PKP1: variants seen among roughly 807,000 people sequenced by gnomAD.
The protein encoded by PKP1 is plakophilin-1.
PKP1 carries 27 observed loss-of-function variants against 76.4 expected under a neutral mutation model. The observed-to-expected ratio is 0.35, with a 90% CI of 0.26 to 0.49. The LOEUF is 0.49. Among genes scored for constraint, PKP1 ranks in the 20% least tolerant of loss-of-function variants. The probability of loss-of-function intolerance (pLI) is 0.99; values close to 1 mark genes in which losing one functional copy is unlikely to be tolerated. For synonymous variants in PKP1, 404 were observed against 384.2 expected (o/e 1.05, Z -0.60); for missense variants, 964 against 955.2 (o/e 1.01, Z -0.12).
intron 13 of PKP1, among the ~76,000 whole-genome samples, chr1:201,329,774 C>A (rs915581748): frequency 1.8e-4 from 27 of 152,210 alleles, no homozygotes; most frequent in African/African-American, 6.5e-4. Context: ...CAAGCTGCAA[C>A]AACTTGAAGG....
chr1:201,310,007 C>T (rs1656492235), intron 2 of PKP1, among the ~76,000 whole-genome samples: 2 of 152,244 alleles, frequency 1.3e-5, no homozygotes, highest in South Asian at 4.1e-4. Flanking sequence ...CATTCTATGT[C>T]TGTGGGGTGA....
At chr1:201,308,525 A>T (rs1436715238) in intron 2 of PKP1, among the ~76,000 whole-genome samples, 1 of 152,222 alleles carries the variant, frequency 6.6e-6, no homozygotes, top group East Asian at 1.9e-4. Context: ...TTATGGAGAC[A>T]GGGCTGGGTT....
At chr1:201,294,424 G>C (rs111662745) in intron 2 of PKP1, among the ~76,000 whole-genome samples, 1 of 152,226 alleles carries the variant, frequency 6.6e-6, no homozygotes, top group South Asian at 2.1e-4. Context: ...ATCTCTGTTC[G>C]TTCTGTGCCT....
At chr1:201,291,507 G>A (rs1655916292) in intron 1 of PKP1, among the ~76,000 whole-genome samples, 1 of 152,156 alleles carries the variant, frequency 6.6e-6, no homozygotes, top group Non-Finnish European at 1.5e-5. Flanking sequence ...GGCGGGAGGA[G>A]ATGGTTAGTC....
At chr1:201,324,405 A>G in intron 9 of PKP1, 23 bp from the exon 10 acceptor site, 2 of 1,613,780 alleles carry the variant, frequency 1.2e-6, no homozygotes, top group South Asian at 1.1e-5. Flanking sequence ...AGGCTAGCTC[A>G]TCATCTACTC....
rs1656802859 is a variant in PKP1 at position 201,317,690 on chromosome 1, A to G, written c.965A>G (p.Lys322Arg). 9 of 1,613,806 alleles carry G rather than the reference A, an allele frequency of 5.6e-6. No homozygotes were observed. Among genetic ancestry groups the G allele is most frequent in the Non-Finnish European group, 7.6e-6 (9 of 1,179,918 alleles). Residue 322 changes from lysine to arginine, a missense_variant, in exon 5 of 14, where the codon AAG becomes AGG. Physicochemically the swap from Lys to Arg is conservative, Grantham distance 26 (BLOSUM62 2). Coordinates refer to ENST00000367324, the MANE Select transcript of PKP1 (RefSeq NM_001005337.3). The stretch of plus-strand genomic sequence containing the variant: ...CTGGTGTTCAGGAGCACCACCAACA[A>G]GCTGGAGACCCGGAGGCAGAATGGG... ...RNLVFRSTTN[K>R]LETRRQNGIR...
At chr1:201,327,002 C>CCCTG (rs1285879635) in intron 12 of PKP1, among the ~76,000 whole-genome samples, 2 of 152,164 alleles carry the variant, frequency 1.3e-5, no homozygotes, top group Non-Finnish European at 2.9e-5. Context: ...CTGGAAAAGG[C>CCCTG]CCTGGATCCG....
Position 201,318,618 on chromosome 1 carries a change from G to A in PKP1, c.1055G>A (p.Gly352Glu). 1 of 1,612,058 alleles carries A rather than the reference G, an allele frequency of 6.2e-7. No individual in the cohort carries two copies. The highest frequency in any genetic ancestry group is 1.1e-5 in the South Asian group (1 of 90,980). Residue 352 changes from glycine to glutamate, a missense_variant and splice_region_variant, in exon 6 of 14, where the codon GGG (glycine) becomes GAG (glutamate). Transcript: ENST00000367324. ...GNAEIQKQLT[G>E]LLWNLSSTDE... is the part of the protein sequence containing the mutation. Reference sequence around the variant, plus strand: ...TGGGTTGATGGTCTCTGACCCCCAGGGCTGCTCTGGAACCTGTCTTCCACT... The same window carrying A: ...TGGGTTGATGGTCTCTGACCCCCAGAGCTGCTCTGGAACCTGTCTTCCACT...
intron 7 of PKP1, 105 bp downstream of exon 7, chr1:201,320,486 G>A: frequency 2.6e-6 from 2 of 763,136 alleles, no homozygotes; most frequent in Non-Finnish European, 4.6e-6. Context: ...CACAGACTCA[G>A]GGGTGGTAGA....
intron 4 of PKP1, 78 bp downstream of exon 4, chr1:201,316,775 T>C: frequency 6.5e-7 from 1 of 1,535,512 alleles, no homozygotes; most frequent in Non-Finnish European, 9.0e-7. Context: ...CTTTTAGAGA[T>C]GGGTGAGGGC....
intron 3 of PKP1, among the ~76,000 whole-genome samples, chr1:201,314,904 AC>A (rs1656678793): frequency 6.6e-6 from 1 of 152,220 alleles, no homozygotes; most frequent in Non-Finnish European, 1.5e-5. Flanking sequence ...CACACCCGCC[AC>A]CAGGCAGGCA....
rs761010595 is a variant in PKP1, at chr1:201,318,696, G to A, written c.1133G>A (p.Arg378His). 20 of 1,612,234 alleles carry A rather than the reference G, an allele frequency of 1.2e-5. No homozygotes were observed. The highest frequency in any genetic ancestry group is 8.8e-5 in the South Asian group (8 of 90,982). The change falls in exon 6 of 14, where the codon CGC (arginine) becomes CAC (histidine). Residue 378 changes from arginine (R) to histidine (H), a missense_variant. Transcript: ENST00000367324. The stretch of plus-strand genomic sequence containing the variant: ...GACGCCCTGCCTGTTCTGGCCGACC[G>A]CGTCATCATTCCCTTCTCTGGCTGG... ...IADALPVLAD[R>H]VIIPFSGWCD...
In PKP1 at chr1:201,328,828, C is replaced by T. The variant is rs531445602; in HGVS notation, c.2173C>T (p.Arg725Ter). Residue 725 changes from arginine (R) to a stop codon, truncating the protein, a stop_gained, in exon 13 of 14, where the codon CGA (arginine) becomes TGA (stop). Coordinates refer to ENST00000367324, the MANE Select transcript of PKP1 (RefSeq NM_001005337.3). LOFTEE classifies it high-confidence loss of function. ...CAACAGCCTCAGGAACTTCACCTCC[C>T]GATTCTAAGAAGAGACTGTCCAAGC... ...GANSLRNFTS[R>*]F The T allele has an allele frequency of 1.2e-5, 20 of 1,613,526 alleles. No individual in the cohort carries two copies. Among genetic ancestry groups the T allele is most frequent in the Admixed American group, 6.7e-5 (4 of 60,006 alleles).
At position 201,283,910 on chromosome 1, in the gene PKP1, G is replaced by C; in HGVS notation, c.202+6G>C. 6.2e-7 allele frequency: 1 copy of C among 1,613,696 alleles called. No individual in the cohort carries two copies. Among genetic ancestry groups the C allele is most frequent in the Non-Finnish European group, 8.5e-7 (1 of 1,179,616 alleles). ...CCTGAGCCACTCCAATCGAGGTAAA[G>C]GCTCGGCCCCCGCGTGGTCCGTGCG... On this transcript the variant is annotated splice_donor_region_variant and intron_variant, in intron 1 of 13. Coordinates refer to ENST00000367324, the MANE Select transcript of PKP1 (RefSeq NM_001005337.3).
chr1:201,313,676 C>T, intron 3 of PKP1, 116 bp downstream of exon 3: 2 of 1,138,874 alleles, frequency 1.8e-6, no homozygotes, highest in Non-Finnish European at 2.5e-6. Context: ...TAGCTTCTGT[C>T]CCTGGGGAGT....
intron 13 of PKP1, among the ~76,000 whole-genome samples, 160 bp downstream of exon 13, chr1:201,329,028 G>C (rs1416733018): frequency 1.3e-5 from 2 of 152,180 alleles, no homozygotes; most frequent in African/African-American, 4.8e-5. Flanking sequence ...TTGGCTGGGG[G>C]CGTAGTTTGT....
intron 2 of PKP1, among the ~76,000 whole-genome samples, chr1:201,303,872 G>A (rs140042075): frequency 0.011 from 1,601 of 152,312 alleles, 17 homozygotes; most frequent in Middle Eastern, 0.095. Flanking sequence ...CCCAAAGCAG[G>A]CAAGGTAGGA....
At chr1:201,300,572 G>A (rs1384824208) in intron 2 of PKP1, among the ~76,000 whole-genome samples, 3 of 152,248 alleles carry the variant, frequency 2.0e-5, no homozygotes, top group Non-Finnish European at 2.9e-5. Flanking sequence ...ACATTGGTCT[G>A]AGGGCTGGTT....
intron 2 of PKP1, among the ~76,000 whole-genome samples, chr1:201,298,774 C>T (rs1041582727): frequency 2.6e-5 from 4 of 152,266 alleles, no homozygotes; most frequent in Admixed American, 6.5e-5. Flanking sequence ...CCAGCTTCTT[C>T]TCAGTTGTAC....
Sources: allele counts gnomAD v4.1 joint callset (sites outside exome capture counted in the v4.1 genomes callset), GRCh38; gene constraint gnomAD v4.1.1; transcripts MANE v1.5; gene names NCBI Gene and HGNC (gene_info 2026-07-23, HGNC 2026-07-21).